The following MAP2K2 variants were observed in gnomAD, a reference collection of about 807,000 sequenced individuals.
MAP2K2 encodes mitogen-activated protein kinase kinase 2, also known as dual specificity mitogen-activated protein kinase kinase 2.
Under a neutral mutation model 43.7 loss-of-function variants are expected in MAP2K2, and 24 were observed. The observed-to-expected ratio is 0.55, with a 90% confidence interval of 0.40 to 0.77. The LOEUF (loss-of-function observed/expected upper bound fraction) is 0.77. Among genes scored for constraint, MAP2K2 ranks in the 30% least tolerant of loss-of-function variants. MAP2K2 has a pLI of 0.00. For missense variants in MAP2K2, 470 were observed against 566.8 expected, an observed-to-expected ratio of 0.83 and a Z score of 1.73; for synonymous variants, 244 against 239.7, an observed-to-expected ratio of 1.02 and a Z score of -0.17.
At chr19:4,113,787 A>G (rs901335937) in intron 2 of MAP2K2, among the ~76,000 whole-genome samples, 4 of 152,142 alleles carry the variant, frequency 2.6e-5, no homozygotes, top group African/African-American at 9.7e-5. Flanking sequence ...CGGAGTAGGA[A>G]AAGAGAGGAA....
chr19:4,106,174 G>A (rs1331888408), intron 3 of MAP2K2, among the ~76,000 whole-genome samples: 1 of 152,192 alleles, frequency 6.6e-6, no homozygotes, highest in South Asian at 2.1e-4. Context: ...GGGAGGCCGA[G>A]GCAGGAGGGT....
chr19:4,105,325 G>A (rs1194335699), intron 3 of MAP2K2, among the ~76,000 whole-genome samples: 1 of 151,454 alleles, frequency 6.6e-6, no homozygotes, highest in East Asian at 1.9e-4. Flanking sequence ...CGGGGGTGCA[G>A]TGGCACCATC....
Position 4,101,034 on chromosome 19 carries a change from C to T in MAP2K2, c.690G>A (p.Thr230=), listed in dbSNP as rs201287884. The change falls in exon 6 of 11, where the codon ACG becomes ACA. Residue 230 remains threonine (T), a synonymous_variant. Transcript: ENST00000262948. This position sits in a 1 kb window ranked among gnomAD's most constrained non-coding sequence, Gnocchi z 6.3. The part of the protein sequence containing the change: ...IDSMANSFVG[T]RSYMAPERLQ... ...GGGGACTCACAGCCATGTAGGAGCGCGTGCCCACGAAGGAGTTGGCCATGG... is the reference window on the plus strand; with the variant it reads ...GGGGACTCACAGCCATGTAGGAGCGTGTGCCCACGAAGGAGTTGGCCATGG... 1.2e-4 allele frequency: 186 copies of T among 1,564,098 alleles called. 2 individuals are homozygous for T. Among genetic ancestry groups the T allele is most frequent in the Admixed American group, 9.9e-4 (52 of 52,340 alleles).
intron 3 of MAP2K2, 135 bp from the exon 4 acceptor site, chr19:4,102,588 G>T: frequency 1.1e-6 from 1 of 904,796 alleles, no homozygotes; most frequent in Non-Finnish European, 1.7e-6. Flanking sequence ...CTCCACCCAC[G>T]GGCCAAGGGC....
Position 4,094,442 on chromosome 19 carries a change from G to C in MAP2K2, c.1092+11C>G, listed in dbSNP as rs757536246. ...ACCCTCCCGGTCCCAGAACCCGCTG[G>C]CATCACTCACTGTGAGCATCTTCAG... On this transcript the variant is annotated intron_variant, in intron 10 of 10. Coordinates refer to ENST00000262948, the MANE Select transcript of MAP2K2 (RefSeq NM_030662.4). 6.4e-7 allele frequency: 1 copy of C among 1,558,696 alleles called. No individual in the cohort carries two copies. The highest frequency in any genetic ancestry group is 2.4e-5 in the East Asian group (1 of 42,112).
intron 3 of MAP2K2, among the ~76,000 whole-genome samples, chr19:4,108,922 C>T (rs965402082): frequency 4.6e-5 from 7 of 152,174 alleles, no homozygotes; most frequent in African/African-American, 1.7e-4. Flanking sequence ...ATCCTTTCCT[C>T]GCCCTTTGAT....
At chr19:4,119,503 TA>T (rs1473105339) in intron 1 of MAP2K2, among the ~76,000 whole-genome samples, 1 of 152,178 alleles carries the variant, frequency 6.6e-6, no homozygotes, top group Non-Finnish European at 1.5e-5. Context: ...ATTACAGACA[TA>T]AGCCACTGCA....
At position 4,099,177 on chromosome 19, in the gene MAP2K2, G is replaced by A. The variant is rs761149397; in HGVS notation, c.919+24C>T. 13 of 1,582,448 alleles carry A rather than the reference G, an allele frequency of 8.2e-6. No individual in the cohort carries two copies. The Admixed American group carries it at 1.1e-4, about 13-fold the overall frequency. On this transcript the variant is annotated intron_variant, in intron 7 of 10. Coordinates refer to ENST00000262948, the MANE Select transcript of MAP2K2 (RefSeq NM_030662.4). ...GCGCAGGGCACTGCGCGTCCAGACC[G>A]GAAGTTGCAGATTCAGGCCGTACCG...
chr19:4,108,990 C>T (rs1011054143), intron 3 of MAP2K2, among the ~76,000 whole-genome samples: 5 of 152,166 alleles, frequency 3.3e-5, no homozygotes, highest in Non-Finnish European at 5.9e-5. Context: ...CCCTCGCAGG[C>T]GGGAAAGGGG....
chr19:4,116,442 A>G (rs1229598225), intron 2 of MAP2K2, among the ~76,000 whole-genome samples: 1 of 152,070 alleles, frequency 6.6e-6, no homozygotes, highest in Non-Finnish European at 1.5e-5. Flanking sequence ...AGGCAGGAGA[A>G]TCCCTTGAAC....
intron 1 of MAP2K2, among the ~76,000 whole-genome samples, chr19:4,121,114 T>C (rs2041287167): frequency 6.6e-6 from 1 of 151,570 alleles, no homozygotes; most frequent in Admixed American, 6.6e-5. Flanking sequence ...CACCCTGGCA[T>C]GACCCCACCA....
chr19:4,123,599 C>CTGAGGGT (rs2041330397), intron 1 of MAP2K2, among the ~76,000 whole-genome samples, 185 bp downstream of exon 1: 2 of 138,862 alleles, frequency 1.4e-5, no homozygotes, highest in South Asian at 4.6e-4. Context: ...CCGTCCTCCC[C>CTGAGGGT]CGAGGGTCCC....
chr19:4,099,306 C>A lies in MAP2K2; in HGVS notation c.814G>T (p.Ala272Ser), dbSNP rs757240576. ...CCAAAGATGGCCTCCAGCTCTTTGGCGTCGGGCGGGGGGATGGGGTACCTT... is the reference window on the plus strand; with the variant it reads ...CCAAAGATGGCCTCCAGCTCTTTGGAGTCGGGCGGGGGGATGGGGTACCTT... ...VGRYPIPPPD[A>S]KELEAIFGRP... The change falls in exon 7 of 11, where the codon GCC becomes TCC. Residue 272 changes from alanine to serine, a missense_variant. Ala to Ser is a moderately conservative substitution (Grantham distance 99). This residue lies in a region of MAP2K2 where 212 missense variants were observed against 220.8 expected (regional missense o/e 0.96). Coordinates refer to ENST00000262948, the MANE Select transcript of MAP2K2 (RefSeq NM_030662.4). 2 of 1,606,704 alleles carry A rather than the reference C, an allele frequency of 1.2e-6. No individual in the cohort carries two copies. The highest frequency in any genetic ancestry group is 2.2e-5 in the East Asian group (1 of 44,564).
At chr19:4,106,192 G>A (rs968863384) in intron 3 of MAP2K2, among the ~76,000 whole-genome samples, 5 of 152,094 alleles carry the variant, frequency 3.3e-5, no homozygotes, top group African/African-American at 7.2e-5. Flanking sequence ...GGTCACTTGT[G>A]GCCAGGAGTT....
chr19:4,096,287 G>A (rs757795045), intron 8 of MAP2K2, among the ~76,000 whole-genome samples: 4 of 152,146 alleles, frequency 2.6e-5, no homozygotes, highest in Non-Finnish European at 4.4e-5. Context: ...GGGTCACCAG[G>A]GCCACCCCAC....
At chr19:4,110,751 T>C (rs2145070838) in intron 2 of MAP2K2, 96 bp from the exon 3 acceptor site, 1 of 1,390,336 alleles carries the variant, frequency 7.2e-7, no homozygotes, top group Admixed American at 2.0e-5. Flanking sequence ...CCAACAGTGG[T>C]CAAGACCAAC....
chr19:4,102,250 ACT>A (rs781488280), intron 4 of MAP2K2, 124 bp downstream of exon 4: 17 of 814,704 alleles, frequency 2.1e-5, no homozygotes, highest in Non-Finnish European at 2.7e-5. Flanking sequence ...AGCCTTGGCC[ACT>A]CTCTTTCTGC....
intron 1 of MAP2K2, among the ~76,000 whole-genome samples, chr19:4,120,997 A>ACCTG (rs2041285750): frequency 6.6e-6 from 1 of 152,012 alleles, no homozygotes; most frequent in African/African-American, 2.4e-5. Context: ...AGTCCCTGAC[A>ACCTG]CCTGGTTCTT....
chr19:4,095,356 G>C (rs1418579455), intron 9 of MAP2K2, 32 bp downstream of exon 9: 2 of 1,547,566 alleles, frequency 1.3e-6, no homozygotes, highest in Admixed American at 3.9e-5. Context: ...CTGGGTCCCG[G>C]CCAGGGGTGT....
Sources: gnomAD v4.1 joint callset for allele counts (sites outside exome capture counted in the v4.1 genomes callset) on GRCh38, gnomAD v4.1.1 for gene constraint, gnomAD v4.1.1 regional missense constraint, Gnocchi (gnomAD v3.1) non-coding constraint, MANE v1.5 for transcripts, NCBI Gene and HGNC (gene_info 2026-07-23, HGNC 2026-07-21) for gene names.